ATMIN: variants seen among roughly 807,000 people sequenced by gnomAD.
The protein encoded by ATMIN is ATM INteracting protein.
A neutral mutation model predicts 49.2 loss-of-function variants in ATMIN; 24 were observed. The ratio of observed to expected loss-of-function variants is 0.49; its 90% CI spans 0.35 to 0.69. ATMIN has a LOEUF of 0.69. Among genes scored for constraint, ATMIN ranks in the 30% least tolerant of loss-of-function variants. ATMIN has a pLI of 0.00. For missense variants in ATMIN, 1,037 were observed against 1,005.5 expected (o/e 1.03, Z -0.42); for synonymous variants, 450 against 392.5 (o/e 1.15, Z -1.73).
intron 1 of ATMIN, chr16:81,037,544 A>T (rs1010865536): frequency 3.2e-5 from 31 of 958,894 alleles, no homozygotes; most frequent in African/African-American, 3.5e-5. Context: ...TTCTTTCAGC[A>T]CTCAAGTGTA....
intron 1 of ATMIN, among the ~76,000 whole-genome samples, chr16:81,038,183 T>C: frequency 6.6e-6 from 1 of 151,036 alleles, no homozygotes; most frequent in East Asian, 2.0e-4. Flanking sequence ...CAGGCTGGAG[T>C]GCAGTGGCGC....
chr16:81,037,016 A>G (rs78987782), intron 1 of ATMIN, among the ~76,000 whole-genome samples: 5,414 of 152,294 alleles, frequency 0.036, 118 homozygotes, highest in Middle Eastern at 0.058. Flanking sequence ...TAAATACACC[A>G]TGACAATAGT....
chr16:81,041,423 T>C lies in ATMIN; in HGVS notation c.404T>C (p.Ile135Thr), dbSNP rs1971035753. ...KTGPKFYCCP[I>T]EGCPRGPERP... ...GGACCGAAATTCTACTGCTGTCCAATTGAAGGCTGCCCCAGAGGCCCTGAG... is the reference window on the plus strand; with the variant it reads ...GGACCGAAATTCTACTGCTGTCCAACTGAAGGCTGCCCCAGAGGCCCTGAG... The change falls in exon 2 of 4, where the codon ATT becomes ACT. Residue 135 changes from isoleucine to threonine, a missense_variant. Ile to Thr is a moderately conservative substitution (Grantham distance 89). Coordinates refer to ENST00000299575, the MANE Select transcript of ATMIN (RefSeq NM_015251.3). The C allele has an allele frequency of 6.2e-7, 1 of 1,614,090 alleles. No homozygotes were observed. Among genetic ancestry groups the C allele is most frequent in the Admixed American group, 1.7e-5 (1 of 60,008 alleles).
At position 81,044,957 on chromosome 16, in the gene ATMIN, T is replaced by C. The variant is rs1197574286; in HGVS notation, c.2459T>C (p.Val820Ala). The change falls in exon 4 of 4, where the codon GTC (valine) becomes GCC (alanine). Residue 820 changes from valine (V) to alanine (A), a missense_variant. Val to Ala is a moderately conservative substitution (Grantham distance 64). Coordinates refer to ENST00000299575, the MANE Select transcript of ATMIN (RefSeq NM_015251.3). ...CAGACTTCTGCGGAACCACACACAG[T>C]CTCCAACTTCTAAAACTAACGGTGG... ...ETQTSAEPHT[V>A]SNF 2 of 1,611,582 alleles carry C rather than the reference T, an allele frequency of 1.2e-6. No homozygotes were observed. The highest frequency in any genetic ancestry group is 1.7e-6 in the Non-Finnish European group (2 of 1,178,252).
chr16:81,036,432 C>T (rs533630637), intron 1 of ATMIN, among the ~76,000 whole-genome samples: 50 of 152,248 alleles, frequency 3.3e-4, no homozygotes, highest in African/African-American at 1.1e-3. Flanking sequence ...GCCCCGGGTC[C>T]GCCGTACGCG....
At chr16:81,041,174 ATTCT>A (rs1293337106) in intron 1 of ATMIN, 178 bp from the exon 2 acceptor site, 1 of 581,264 alleles carries the variant, frequency 1.7e-6, no homozygotes, top group Non-Finnish European at 3.0e-6. Context: ...CTTGCTTAGT[ATTCT>A]CACCACATTT....
chr16:81,041,642 T>C, intron 2 of ATMIN, 161 bp downstream of exon 2: 1 of 882,192 alleles, frequency 1.1e-6, no homozygotes, highest in Non-Finnish European at 1.7e-6. Flanking sequence ...GTTACACAAG[T>C]GGAGGGAAAA....
chr16:81,036,801 T>C (rs1431450872), intron 1 of ATMIN, among the ~76,000 whole-genome samples: 2 of 152,032 alleles, frequency 1.3e-5, no homozygotes, highest in Non-Finnish European at 2.9e-5. Context: ...CACTATGCAA[T>C]GTATATGTCC....
chr16:81,042,836 G>T (rs565935502), intron 3 of ATMIN, among the ~76,000 whole-genome samples: 1 of 152,296 alleles, frequency 6.6e-6, no homozygotes, highest in East Asian at 1.9e-4. Flanking sequence ...TTCATTTAGT[G>T]TGATAGCTTC....
In ATMIN at chr16:81,036,067, G is replaced by A. The variant is rs889806185; in HGVS notation, c.197G>A (p.Gly66Glu). 7.6e-7 allele frequency: 1 copy of A among 1,308,724 alleles called. No individual in the cohort carries two copies. The highest frequency in any genetic ancestry group is 9.8e-7 in the Non-Finnish European group (1 of 1,018,382). The allele number at this position is 1,308,724 out of a possible 1,614,324, so 81.1% of individuals were successfully genotyped here. ...CCCGCTGTCCCCGCGCCGCCGGCGG[G>A]GGAGCTGATCCAGCCGTCGGTGAGC... ...QQPAVPAPPA[G>E]ELIQPSVSEL... is the part of the protein sequence containing the mutation. Residue 66 changes from glycine (G) to glutamate (E), a missense_variant, in exon 1 of 4, where the codon GGG (glycine) becomes GAG (glutamate). By Grantham distance (98) the Gly-to-Glu change is moderately conservative (BLOSUM62 -2). Transcript: ENST00000299575.
rs764304728 is a variant in ATMIN at position 81,043,865 on chromosome 16, G to A, written c.1367G>A (p.Ser456Asn). The part of the protein sequence containing the change: ...SFDSQVSLPI[S>N]VHTQTFLPSS... The stretch of plus-strand genomic sequence containing the variant: ...GATTCTCAAGTGTCTCTTCCCATTA[G>A]TGTTCACACTCAGACATTTTTGCCC... The change falls in exon 4 of 4, where the codon AGT becomes AAT. Residue 456 changes from serine to asparagine, a missense_variant. By Grantham distance (46) the Ser-to-Asn change is conservative (BLOSUM62 1). Coordinates refer to ENST00000299575, the MANE Select transcript of ATMIN (RefSeq NM_015251.3). 1.1e-5 allele frequency: 17 copies of A among 1,614,174 alleles called. No homozygotes were observed. In the Middle Eastern group the frequency reaches 6.6e-4, roughly 63 times the overall value.
Position 81,044,020 on chromosome 16 carries a change from A to G in ATMIN, c.1522A>G (p.Met508Val). 2 of 1,614,230 alleles carry G rather than the reference A, an allele frequency of 1.2e-6. No homozygotes were observed. The highest frequency in any genetic ancestry group is 2.2e-5 in the East Asian group (1 of 44,880). ...IESPTDDHVQ[M>V]DQAGMCGDIF... Reference sequence around the variant, plus strand: ...AAGTCCAACGGATGACCATGTACAGATGGACCAAGCTGGAATGTGCGGAGA... The same window carrying G: ...AAGTCCAACGGATGACCATGTACAGGTGGACCAAGCTGGAATGTGCGGAGA... Residue 508 changes from methionine (M) to valine (V), a missense_variant, in exon 4 of 4, where the codon ATG (methionine) becomes GTG (valine). Coordinates refer to ENST00000299575, the MANE Select transcript of ATMIN (RefSeq NM_015251.3).
Position 81,043,937 on chromosome 16 carries a change from T to C in ATMIN, c.1439T>C (p.Met480Thr), listed in dbSNP as rs1246588757. ...ATAGCTGCTCAGACTGATGCATTTA[T>C]GGACACCTGTTTCCAGTCAGGTGGG... ...SSIAAQTDAF[M>T]DTCFQSGGVS... is the part of the protein sequence containing the mutation. Residue 480 changes from methionine (M) to threonine (T), a missense_variant, in exon 4 of 4, where the codon ATG becomes ACG. By Grantham distance (81) the Met-to-Thr change is moderately conservative (BLOSUM62 -1). Coordinates refer to ENST00000299575, the MANE Select transcript of ATMIN (RefSeq NM_015251.3). The C allele has an allele frequency of 6.2e-7, 1 of 1,614,102 alleles. No individual in the cohort carries two copies. The highest frequency in any genetic ancestry group is 8.5e-7 in the Non-Finnish European group (1 of 1,180,046).
intron 1 of ATMIN, among the ~76,000 whole-genome samples, chr16:81,039,603 T>A (rs1334669577): frequency 6.6e-6 from 1 of 152,210 alleles, no homozygotes; most frequent in South Asian, 2.1e-4. Flanking sequence ...ATGGTGGGAT[T>A]CATGGAGAAA....
intron 1 of ATMIN, chr16:81,041,139 T>A (rs1210368135): frequency 8.4e-6 from 4 of 474,980 alleles, no homozygotes; most frequent in Non-Finnish European, 1.5e-5. Context: ...TCAGTAATGG[T>A]CAAATGAATG....
chr16:81,037,741 T>A (rs996351749), intron 1 of ATMIN, among the ~76,000 whole-genome samples: 2 of 151,676 alleles, frequency 1.3e-5, no homozygotes, highest in African/African-American at 4.8e-5. Context: ...GTTCAAGCAG[T>A]TCTCCTGCCT....
In ATMIN at chr16:81,045,134, G is replaced by T. The variant is rs541001647; in HGVS notation, c.*164G>T. The T allele has an allele frequency of 1.1e-5, 10 of 903,734 alleles. No homozygotes were observed. Among genetic ancestry groups the T allele is most frequent in the East Asian group, 5.3e-5 (2 of 37,436 alleles). The allele number at this position is 903,734 out of a possible 1,614,324, so 56.0% of individuals were successfully genotyped here. ...TTTGTACTTGTAAACAGAAATTTGC[G>T]TATAAATGTGAGTGTATTATAAAGT... On this transcript the variant is annotated 3_prime_UTR_variant, in exon 4 of 4. Transcript: ENST00000299575.
chr16:81,036,238 C>G, intron 1 of ATMIN, 32 bp downstream of exon 1: 1 of 1,341,894 alleles, frequency 7.5e-7, no homozygotes, highest in Non-Finnish European at 9.6e-7. Context: ...GCCCGGGGGG[C>G]CGGGCCTGGC....
chr16:81,041,150 C>T, intron 1 of ATMIN: 1 of 502,878 alleles, frequency 2.0e-6, no homozygotes, highest in South Asian at 2.4e-5. Context: ...CAAATGAATG[C>T]AGAATTTTAG....
Sources: gnomAD v4.1 joint callset for allele counts (sites outside exome capture counted in the v4.1 genomes callset) on GRCh38, gnomAD v4.1.1 for gene constraint, MANE v1.5 for transcripts, NCBI Gene and HGNC (gene_info 2026-07-23, HGNC 2026-07-21) for gene names.